The following RAB5C variants were observed in gnomAD, a reference collection of about 807,000 sequenced individuals.
The protein encoded by RAB5C is ras-related protein Rab-5C.
In RAB5C, 4 loss-of-function variants were observed where a neutral mutation model predicts 25.2. The ratio of observed to expected loss-of-function variants is 0.16; its 90% confidence interval spans 0.08 to 0.36. The LOEUF is 0.36. RAB5C is among the 10% of genes least tolerant of loss of function. The pLI is 1.00. For missense variants in RAB5C, 199 were observed against 283.8 expected (o/e 0.70, Z 2.15); for synonymous variants, 100 against 106.4 (o/e 0.94, Z 0.37).
Position 42,143,958 on chromosome 17 carries a change from G to T in RAB5C, c.-89+10935C>A, listed in dbSNP as rs187127854. 5.4e-3 allele frequency among the ~76,000 whole-genome samples: 815 copies of T among 151,874 alleles called. 2 individuals are homozygous for T. The highest frequency in any genetic ancestry group is 0.019 in the African/African-American group (780 of 41,444). On this transcript the variant is annotated intron_variant, in intron 1 of 5. Coordinates refer to ENST00000346213, the MANE Select transcript of RAB5C (RefSeq NM_004583.4). Reference sequence around the variant, plus strand: ...GCACCATCATACCCAGCTAACTTTTGTATTTTTAGTAGAGATAGGGTTTCA... The same window carrying T: ...GCACCATCATACCCAGCTAACTTTTTTATTTTTAGTAGAGATAGGGTTTCA...
chr17:42,127,464 T>G (rs548402604), intron 4 of RAB5C, among the ~76,000 whole-genome samples: 28 of 152,146 alleles, frequency 1.8e-4, no homozygotes, highest in African/African-American at 6.7e-4. Context: ...TATATACACA[T>G]ACCCCTACCA....
intron 1 of RAB5C, among the ~76,000 whole-genome samples, chr17:42,137,197 T>C (rs1044056753): frequency 2.0e-5 from 3 of 151,874 alleles, no homozygotes; most frequent in African/African-American, 7.3e-5. Context: ...TCCCAGCTAC[T>C]TGGGAGGCTG....
intron 1 of RAB5C, among the ~76,000 whole-genome samples, chr17:42,133,942 G>C (rs536912770): frequency 1.3e-5 from 2 of 152,288 alleles, no homozygotes; most frequent in South Asian, 4.1e-4. Context: ...TGTTCTGCCT[G>C]GTCACTGATC....
intron 1 of RAB5C, among the ~76,000 whole-genome samples, chr17:42,140,024 G>A (rs962270183): frequency 6.6e-6 from 1 of 152,132 alleles, no homozygotes; most frequent in African/African-American, 2.4e-5. Flanking sequence ...CATCAATGTA[G>A]GGCCCGTCTT....
In RAB5C at chr17:42,135,143, G is replaced by A. The variant is rs748607702; in HGVS notation, c.-88-4553C>T. 1.2e-4 allele frequency among the ~76,000 whole-genome samples: 18 copies of A among 151,932 alleles called. No homozygotes were observed. In the Middle Eastern group the frequency reaches 0.01, roughly 87 times the overall value. Reference sequence around the variant, plus strand: ...ACTATAGGTATACGTCATTACACCCGGCTAAATTTTTGTGTATTTTTTGTA... The same window carrying A: ...ACTATAGGTATACGTCATTACACCCAGCTAAATTTTTGTGTATTTTTTGTA... On this transcript the variant is annotated intron_variant, in intron 1 of 5. Transcript: ENST00000346213.
Position 42,152,603 on chromosome 17 carries a change from A to AC in RAB5C, c.-89+2289dup, listed in dbSNP as rs2079679322. On this transcript the variant is annotated intron_variant, in intron 1 of 5. Transcript: ENST00000346213. ...AGACCAGCCTGGCCAACATGGTGAG[A>AC]CCCCATCTCTACTAAAAATACAAAA... Among the ~76,000 whole-genome samples, 7 of 151,938 alleles carry AC rather than the reference A, an allele frequency of 4.6e-5. No individual in the cohort carries two copies. In the South Asian group the frequency reaches 1.2e-3, roughly 27 times the overall value.
intron 1 of RAB5C, among the ~76,000 whole-genome samples, chr17:42,134,980 G>GTTT (rs528680102): frequency 4.4e-5 from 6 of 134,936 alleles, no homozygotes; most frequent in East Asian, 2.1e-4. Context: ...TTTTTCTTAA[G>GTTT]TTTTTTTTTT....
intron 4 of RAB5C, among the ~76,000 whole-genome samples, chr17:42,127,578 G>A (rs1337532618): frequency 6.7e-6 from 1 of 148,972 alleles, no homozygotes; most frequent in African/African-American, 2.5e-5. Flanking sequence ...GGATCTCACT[G>A]TGTTGCCCAG....
At chr17:42,137,119 A>C (rs1442160064) in intron 1 of RAB5C, among the ~76,000 whole-genome samples, 2 of 152,036 alleles carry the variant, frequency 1.3e-5, no homozygotes, top group African/African-American at 4.8e-5. Context: ...CAGCCTGTCC[A>C]ACCTGGTGAA....
intron 1 of RAB5C, among the ~76,000 whole-genome samples, chr17:42,151,855 G>A (rs1034045865): frequency 3.9e-5 from 6 of 151,960 alleles, no homozygotes; most frequent in Non-Finnish European, 7.4e-5. Flanking sequence ...TAGACGCTGG[G>A]GAAGACAAAA....
intron 1 of RAB5C, among the ~76,000 whole-genome samples, chr17:42,134,029 C>T (rs536632282): frequency 6.6e-6 from 1 of 152,196 alleles, no homozygotes; most frequent in Non-Finnish European, 1.5e-5. Flanking sequence ...CCTGGCCCTG[C>T]TTGGTGATCA....
At chr17:42,154,381 G>A (rs576418863) in intron 1 of RAB5C, among the ~76,000 whole-genome samples, 10 of 152,194 alleles carry the variant, frequency 6.6e-5, no homozygotes, top group African/African-American at 9.7e-5. Context: ...AGGAAAGAGA[G>A]GAAGTAAGGA....
intron 1 of RAB5C, among the ~76,000 whole-genome samples, chr17:42,149,710 G>C (rs1244714331): frequency 6.6e-6 from 1 of 152,126 alleles, no homozygotes; most frequent in East Asian, 1.9e-4. Context: ...TAAAACTGAA[G>C]TGGCACAGCG....
chr17:42,125,913 GA>G lies in RAB5C; in HGVS notation c.536-16del. The G allele has an allele frequency of 6.3e-7, 1 of 1,581,728 alleles. No homozygotes were observed. The highest frequency in any genetic ancestry group is 8.6e-7 in the Non-Finnish European group (1 of 1,158,346). On this transcript the variant is annotated splice_polypyrimidine_tract_variant and intron_variant, in intron 5 of 5. Coordinates refer to ENST00000346213, the MANE Select transcript of RAB5C (RefSeq NM_004583.4). ...AAGCTTCTTAGCTGTTTGGGAGGGG[GA>G]AAAGTGCATTTGTTGGGGGTACCCC...
rs1281866646 is a variant in RAB5C, at chr17:42,125,685, C to A, written c.*98G>T. 2.1e-5 allele frequency: 17 copies of A among 794,560 alleles called. 1 individual carries two copies. The highest frequency in any genetic ancestry group is 1.0e-4 in the African/African-American group (6 of 58,552). The allele number at this position is 794,560 out of a possible 1,614,324, so 49.2% of individuals were successfully genotyped here. ...TGGTGGACCCCTCCCCCTGCCCCCC[C>A]AGTGGTGGCCCGAGTCGTTAAGTGC... On this transcript the variant is annotated 3_prime_UTR_variant, in exon 6 of 6. Coordinates refer to ENST00000346213, the MANE Select transcript of RAB5C (RefSeq NM_004583.4).
At chr17:42,141,045 T>C (rs1040226143) in intron 1 of RAB5C, among the ~76,000 whole-genome samples, 1 of 152,132 alleles carries the variant, frequency 6.6e-6, no homozygotes, top group African/African-American at 2.4e-5. Flanking sequence ...CCCAGGCTGA[T>C]CTCAGACTCC....
chr17:42,126,726 G>C, intron 5 of RAB5C, 29 bp downstream of exon 5: 1 of 1,509,166 alleles, frequency 6.6e-7, no homozygotes, highest in East Asian at 2.3e-5. Flanking sequence ...TGCTGTGGTG[G>C]AGAGAGGAGG....
intron 1 of RAB5C, among the ~76,000 whole-genome samples, chr17:42,149,023 T>C (rs1029311037): frequency 1.3e-5 from 2 of 152,198 alleles, no homozygotes; most frequent in African/African-American, 4.8e-5. Flanking sequence ...TTCTTATACA[T>C]AGAGGATGGG....
At chr17:42,140,074 C>T (rs1485061013) in intron 1 of RAB5C, among the ~76,000 whole-genome samples, 1 of 152,172 alleles carries the variant, frequency 6.6e-6, no homozygotes, top group Non-Finnish European at 1.5e-5. Flanking sequence ...GTCAGAAGCA[C>T]CAGCCAGGAC....
Sources: allele counts gnomAD v4.1 joint callset (sites outside exome capture counted in the v4.1 genomes callset), GRCh38; gene constraint gnomAD v4.1.1; transcripts MANE v1.5; gene names NCBI Gene and HGNC (gene_info 2026-07-23, HGNC 2026-07-21).